Variants in CIMIP2B observed in about 807,000 individuals in gnomAD.
The protein encoded by CIMIP2B is family with sequence similarity 166 member B.
At chr9:35,563,563 T>C in the CIMIP2B span, among the ~76,000 whole-genome samples, 2 of 152,188 alleles carry the variant, frequency 1.3e-5, no homozygotes, top group African/African-American at 4.8e-5. Context: ...GTTACCCTGT[T>C]CCCATGGAGA....
the CIMIP2B span, chr9:35,563,448 G>A: frequency 7.5e-7 from 1 of 1,332,530 alleles, no homozygotes; most frequent in East Asian, 2.5e-5. Context: ...CCCAGAGGCA[G>A]AAGCGGAGAC....
the CIMIP2B span, chr9:35,563,248 T>C: frequency 6.5e-4 from 1,057 of 1,613,884 alleles, 1 homozygote; most frequent in South Asian, 1.2e-3. Context: ...CCTCAGGAGA[T>C]CTTGGAGGCC....
chr9:35,563,797 A>C, the CIMIP2B span: 1 of 1,613,998 alleles, frequency 6.2e-7, no homozygotes, highest in Non-Finnish European at 8.5e-7. Context: ...CTGAGGGTTG[A>C]GCCCTGGTAT....
chr9:35,563,096 C>T, the CIMIP2B span: 1 of 1,613,742 alleles, frequency 6.2e-7, no homozygotes, highest in Non-Finnish European at 8.5e-7. Context: ...CAGGCAGGGA[C>T]AAGGAAGACT....
the CIMIP2B span, chr9:35,562,299 C>G: frequency 3.2e-6 from 4 of 1,259,358 alleles, no homozygotes; most frequent in Non-Finnish European, 4.3e-6. Context: ...TAGTTTCAAC[C>G]CCCACAAACC....
chr9:35,562,433 C>G, the CIMIP2B span: 5 of 1,570,406 alleles, frequency 3.2e-6, no homozygotes, highest in Non-Finnish European at 4.3e-6. Context: ...AGGGTATGTT[C>G]TGGGAAGTGG....
chr9:35,562,736 C>T, the CIMIP2B span: 1 of 1,613,202 alleles, frequency 6.2e-7, no homozygotes, highest in Non-Finnish European at 8.5e-7. Context: ...ACACAATCTC[C>T]CAAGGAGGTG....
At chr9:35,562,952 T>C in the CIMIP2B span, 1 of 1,614,050 alleles carries the variant, frequency 6.2e-7, no homozygotes, top group Non-Finnish European at 8.5e-7. Context: ...GTGTCCTTTC[T>C]TCCCTTGGCC....
At chr9:35,563,271 GA>G in the CIMIP2B span, 1 of 1,614,030 alleles carries the variant, frequency 6.2e-7, no homozygotes, top group African/African-American at 1.3e-5. Context: ...ATGGGAGGCA[GA>G]AGTGTGCGGT....
chr9:35,562,780 A>AC, the CIMIP2B span: 1 of 1,609,026 alleles, frequency 6.2e-7, no homozygotes, highest in Non-Finnish European at 8.5e-7. Context: ...CCCTGAACCC[A>AC]CAGCCACACT....
the CIMIP2B span, chr9:35,563,024 C>G: frequency 6.2e-7 from 1 of 1,614,020 alleles, no homozygotes. Flanking sequence ...CTCAGAGCCT[C>G]GGCCCAGACC....
At chr9:35,562,950 T>C in the CIMIP2B span, 1 of 1,614,034 alleles carries the variant, frequency 6.2e-7, no homozygotes, top group Non-Finnish European at 8.5e-7. Flanking sequence ...CTGTGTCCTT[T>C]CTTCCCTTGG....
chr9:35,562,439 A>AG, the CIMIP2B span: 1 of 1,574,684 alleles, frequency 6.4e-7, no homozygotes, highest in Admixed American at 1.9e-5. Context: ...TGTTCTGGGA[A>AG]GTGGGGGGAG....
the CIMIP2B span, chr9:35,561,879 G>C: frequency 1.0e-5 from 7 of 694,420 alleles, no homozygotes; most frequent in Non-Finnish European, 1.8e-5. Context: ...TAATAAAAAA[G>C]GTGCTCAGCC....
chr9:35,561,928 C>A, the CIMIP2B span: 1 of 411,008 alleles, frequency 2.4e-6, no homozygotes, highest in Non-Finnish European at 4.7e-6. Context: ...CACCCTCCCA[C>A]CCTCCCACCC....
chr9:35,562,555 G>A, the CIMIP2B span: 3,895 of 1,592,152 alleles, frequency 2.4e-3, 9 homozygotes, highest in Non-Finnish European at 3.1e-3. Flanking sequence ...AGCGGGCGCA[G>A]GGCACATAGC....
chr9:35,563,258 C>T, the CIMIP2B span: 69 of 1,613,812 alleles, frequency 4.3e-5, no homozygotes, highest in Non-Finnish European at 5.2e-5. Context: ...TCTTGGAGGC[C>T]GAATGGGAGG....
At chr9:35,562,386 C>G in the CIMIP2B span, 2 of 1,479,260 alleles carry the variant, frequency 1.4e-6, no homozygotes, top group Non-Finnish European at 1.8e-6. Flanking sequence ...TCACCTGGCA[C>G]GTAGCCCCCA....
At chr9:35,562,083 T>C in the CIMIP2B span, 3 of 1,534,334 alleles carry the variant, frequency 2.0e-6, no homozygotes, top group African/African-American at 4.1e-5. Context: ...GTGGCCAAAC[T>C]GGAACTTATA....
Sources: allele counts gnomAD v4.1 joint callset (sites outside exome capture counted in the v4.1 genomes callset), GRCh38; gene constraint gnomAD v4.1.1; transcripts MANE v1.5; gene names NCBI Gene and HGNC (gene_info 2026-07-23, HGNC 2026-07-21).